DKK1: variants seen among roughly 807,000 people sequenced by gnomAD.
DKK1 encodes dickkopf Wnt signaling pathway inhibitor 1.
In DKK1, 18 loss-of-function variants were observed where a neutral mutation model predicts 26.0. The ratio of observed to expected loss-of-function variants is 0.69; its 90% CI spans 0.48 to 1.03. The LOEUF is 1.03. Among genes scored for constraint, DKK1 ranks in the 50% least tolerant of loss-of-function variants. The pLI, the probability that DKK1 is intolerant of heterozygous loss-of-function variation, is 0.00. For missense variants in DKK1, 335 were observed against 348.5 expected (o/e 0.96, Z 0.31); for synonymous variants, 130 against 132.6 (o/e 0.98, Z 0.13).
At position 52,317,598 on chromosome 10, in the gene DKK1, TGA is replaced by T. The variant is rs1056561064; in HGVS notation, c.*795_*796del. 6.6e-6 allele frequency: 1 copy of T among 152,198 alleles called. No homozygotes were observed. Among genetic ancestry groups the T allele is most frequent in the African/African-American group, 2.4e-5 (1 of 41,458 alleles). The allele number at this position is 152,198 out of a possible 1,614,324, so 9.4% of individuals were successfully genotyped here. ...ATAAACTCAAATGATCATGGCAGAA[TGA>T]GAGTGAATCTTACATTACTACTTTC... is the stretch of plus-strand genomic sequence containing the variant. On this transcript the variant is annotated 3_prime_UTR_variant, in exon 4 of 4. Coordinates refer to ENST00000373970, the MANE Select transcript of DKK1 (RefSeq NM_012242.4).
Position 52,314,725 on chromosome 10 carries a change from C to G in DKK1, c.243+48C>G. On this transcript the variant is annotated intron_variant, in intron 1 of 3. Coordinates refer to ENST00000373970, the MANE Select transcript of DKK1 (RefSeq NM_012242.4). The surrounding 1 kb of genome is among the most constrained non-coding windows in gnomAD (Gnocchi z 5.7). ...AGGATGCTCTGACCTTGAAAGGGTCCTATCTGGAGACGAGGGAGTAGAACG... is the reference window on the plus strand; with the variant it reads ...AGGATGCTCTGACCTTGAAAGGGTCGTATCTGGAGACGAGGGAGTAGAACG... The G allele has an allele frequency of 6.3e-7, 1 of 1,597,544 alleles. No homozygotes were observed. The highest frequency in any genetic ancestry group is 8.5e-7 in the Non-Finnish European group (1 of 1,170,756).
chr10:52,316,755 A>T lies in DKK1; in HGVS notation c.749A>T (p.Asp250Val). Residue 250 changes from aspartate to valine, a missense_variant, in exon 4 of 4, where the codon GAT (aspartate) becomes GTT (valine). Transcript: ENST00000373970. ...GGTCTGTCTTGCCGGATACAGAAAG[A>T]TCACCATCAAGCCAGTAATTCTTCT... ...GEGLSCRIQK[D>V]HHQASNSSRL... is the part of the protein sequence containing the mutation. 6.2e-7 allele frequency: 1 copy of T among 1,614,162 alleles called. No homozygotes were observed. Among genetic ancestry groups the T allele is most frequent in the Non-Finnish European group, 8.5e-7 (1 of 1,180,008 alleles).
In DKK1 at chr10:52,314,684, G is replaced by A. The variant is rs768998459; in HGVS notation, c.243+7G>A. On this transcript the variant is annotated splice_region_variant and intron_variant, in intron 1 of 3. Transcript: ENST00000373970. This position sits in a 1 kb window ranked among gnomAD's most constrained non-coding sequence, Gnocchi z 5.7. ...GACCATTGACAACTACCAGGTGAGA[G>A]GGGTCGGGCACTCAGAGGATGCTCT... The A allele has an allele frequency of 6.2e-7, 1 of 1,611,580 alleles. No homozygotes were observed. The highest frequency in any genetic ancestry group is 1.1e-5 in the South Asian group (1 of 90,962).
In DKK1 at chr10:52,314,907, C is replaced by T. The variant is rs757923992; in HGVS notation, c.244-16C>T. The T allele has an allele frequency of 6.7e-7, 1 of 1,494,684 alleles. No individual in the cohort carries two copies. The highest frequency in any genetic ancestry group is 1.3e-5 in the South Asian group (1 of 75,002). 92.6% of individuals were successfully genotyped at this position (1,494,684 alleles called of 1,614,324 possible). A position where few individuals can be genotyped will look rare whatever the true frequency, so the allele number is the denominator to read the frequency against. ...ACGTCTGGGTGCCTCACCCTCTCCCCGAACCCTTCCCACAGCCGTACCCGT... is the reference window on the plus strand; with the variant it reads ...ACGTCTGGGTGCCTCACCCTCTCCCTGAACCCTTCCCACAGCCGTACCCGT... On this transcript the variant is annotated splice_polypyrimidine_tract_variant and intron_variant, in intron 1 of 3. Transcript: ENST00000373970. This position sits in a 1 kb window ranked among gnomAD's most constrained non-coding sequence, Gnocchi z 5.7.
At position 52,314,592 on chromosome 10, in the gene DKK1, C is replaced by G. The variant is rs1842597465; in HGVS notation, c.158C>G (p.Ala53Gly). The change falls in exon 1 of 4, where the codon GCG (alanine) becomes GGG (glycine). Residue 53 changes from alanine to glycine, a missense_variant. Transcript: ENST00000373970. This position sits in a 1 kb window ranked among gnomAD's most constrained non-coding sequence, Gnocchi z 5.7. Reference sequence around the variant, plus strand: ...CTGCCCCCACCGCTGGGCGGCGCTGCGGGGCACCCAGGCTCTGCAGTCAGC... The same window carrying G: ...CTGCCCCCACCGCTGGGCGGCGCTGGGGGGCACCCAGGCTCTGCAGTCAGC... ...KNLPPPLGGA[A>G]GHPGSAVSAA... 1.2e-6 allele frequency: 2 copies of G among 1,613,348 alleles called. No individual in the cohort carries two copies. Among genetic ancestry groups the G allele is most frequent in the South Asian group, 2.2e-5 (2 of 91,062 alleles).
rs1330719165 is a variant in DKK1 at position 52,314,576 on chromosome 10, C to G, written c.142C>G (p.Pro48Ala). 6.2e-7 allele frequency: 1 copy of G among 1,613,502 alleles called. No individual in the cohort carries two copies. Among genetic ancestry groups the G allele is most frequent in the African/African-American group, 1.3e-5 (1 of 74,888 alleles). ...CAACGCTATCAAGAACCTGCCCCCA[C>G]CGCTGGGCGGCGCTGCGGGGCACCC... ...NSNAIKNLPP[P>A]LGGAAGHPGS... The change falls in exon 1 of 4, where the codon CCG becomes GCG. Residue 48 changes from proline to alanine, a missense_variant. Coordinates refer to ENST00000373970, the MANE Select transcript of DKK1 (RefSeq NM_012242.4). The surrounding 1 kb of genome is among the most constrained non-coding windows in gnomAD (Gnocchi z 5.7).
In DKK1 at chr10:52,314,890, G is replaced by T; in HGVS notation, c.244-33G>T. 6.8e-7 allele frequency: 1 copy of T among 1,471,456 alleles called. No homozygotes were observed. Among genetic ancestry groups the T allele is most frequent in the South Asian group, 1.4e-5 (1 of 71,512 alleles). The allele number at this position is 1,471,456 out of a possible 1,614,324, so 91.1% of individuals were successfully genotyped here. On this transcript the variant is annotated intron_variant, in intron 1 of 3. Transcript: ENST00000373970. This position sits in a 1 kb window ranked among gnomAD's most constrained non-coding sequence, Gnocchi z 5.7. ...AGAGGGCGGGTACCTGGACGTCTGG[G>T]TGCCTCACCCTCTCCCCGAACCCTT... is the stretch of plus-strand genomic sequence containing the variant.
rs1253403947 is a variant in DKK1 at position 52,316,809 on chromosome 10, C to T, written c.*2C>T. On this transcript the variant is annotated 3_prime_UTR_variant, in exon 4 of 4. Coordinates refer to ENST00000373970, the MANE Select transcript of DKK1 (RefSeq NM_012242.4). ...CTTCACACTTGTCAGAGACACTAAA[C>T]CAGCTATCCAAATGCAGTGAACTCC... is the stretch of plus-strand genomic sequence containing the variant. 2 of 1,613,652 alleles carry T rather than the reference C, an allele frequency of 1.2e-6. No homozygotes were observed. The highest frequency in any genetic ancestry group is 1.1e-5 in the South Asian group (1 of 91,020).
At position 52,314,858 on chromosome 10, in the gene DKK1, G is replaced by A. The variant is rs1589774474; in HGVS notation, c.244-65G>A. ...CAGATAAGGACTGTGATCAGCGCCC[G>A]GGTCCAAGAGGGCGGGTACCTGGAC... On this transcript the variant is annotated intron_variant, in intron 1 of 3. Coordinates refer to ENST00000373970, the MANE Select transcript of DKK1 (RefSeq NM_012242.4). This position sits in a 1 kb window ranked among gnomAD's most constrained non-coding sequence, Gnocchi z 5.7. 2 of 1,458,482 alleles carry A rather than the reference G, an allele frequency of 1.4e-6. No individual in the cohort carries two copies. The highest frequency in any genetic ancestry group is 1.8e-6 in the Non-Finnish European group (2 of 1,100,790). 90.3% of individuals were successfully genotyped at this position (1,458,482 alleles called of 1,614,324 possible). A position where few individuals can be genotyped will look rare whatever the true frequency, so the allele number is the denominator to read the frequency against.
chr10:52,314,384 GCAAAGTGACGGTCATTTT>G lies in DKK1; in HGVS notation c.-49_-32del. On this transcript the variant is annotated 5_prime_UTR_variant, in exon 1 of 4. Coordinates refer to ENST00000373970, the MANE Select transcript of DKK1 (RefSeq NM_012242.4). The surrounding 1 kb of genome is among the most constrained non-coding windows in gnomAD (Gnocchi z 5.7). ...CACGGTTTCGTGGGGACCCAGGCTTGCAAAGTGACGGTCATTTTCTCTTTCTTTCTCCCTCTTGAGTCC... is the reference window on the plus strand; with the variant it reads ...CACGGTTTCGTGGGGACCCAGGCTTGCTCTTTCTTTCTCCCTCTTGAGTCC... 6.2e-7 allele frequency: 1 copy of G among 1,605,854 alleles called. No homozygotes were observed. The highest frequency in any genetic ancestry group is 1.1e-5 in the South Asian group (1 of 90,378).
Position 52,314,950 on chromosome 10 carries a change from T to C in DKK1, c.271T>C (p.Cys91Arg). The C allele has an allele frequency of 6.4e-7, 1 of 1,570,720 alleles. No individual in the cohort carries two copies. The highest frequency in any genetic ancestry group is 8.7e-7 in the Non-Finnish European group (1 of 1,151,996). Residue 91 changes from cysteine to arginine, a missense_variant, in exon 2 of 4, where the codon TGC (cysteine) becomes CGC (arginine). Cys to Arg is a radical substitution (Grantham distance 180). Coordinates refer to ENST00000373970, the MANE Select transcript of DKK1 (RefSeq NM_012242.4). This position sits in a 1 kb window ranked among gnomAD's most constrained non-coding sequence, Gnocchi z 5.7. Reference sequence around the variant, plus strand: ...GTACCCGTGCGCAGAGGACGAGGAGTGCGGCACTGATGAGTACTGCGCTAG... The same window carrying C: ...GTACCCGTGCGCAGAGGACGAGGAGCGCGGCACTGATGAGTACTGCGCTAG... ...QPYPCAEDEE[C>R]GTDEYCASPT...
intron 2 of DKK1, chr10:52,315,341 A>C: frequency 5.5e-6 from 2 of 365,956 alleles, no homozygotes; most frequent in Non-Finnish European, 9.7e-6. Flanking sequence ...CAATGATTCA[A>C]TACAACGGTT....
At chr10:52,315,331 C>A (rs780664825) in intron 2 of DKK1, 1 of 380,406 alleles carries the variant, frequency 2.6e-6, no homozygotes, top group Non-Finnish European at 4.6e-6. Flanking sequence ...CCGTGTCCCT[C>A]AATGATTCAA....
rs1842593639 is a variant in DKK1 at position 52,314,339 on chromosome 10, T to C, written c.-96T>C. 1.9e-6 allele frequency: 3 copies of C among 1,558,668 alleles called. No homozygotes were observed. In the African/African-American group the frequency reaches 4.1e-5, roughly 21 times the overall value. On this transcript the variant is annotated 5_prime_UTR_variant, in exon 1 of 4. Coordinates refer to ENST00000373970, the MANE Select transcript of DKK1 (RefSeq NM_012242.4). This position sits in a 1 kb window ranked among gnomAD's most constrained non-coding sequence, Gnocchi z 5.7. ...GGGACCGCAGGGGGCTCCCGGACCCTGACTCTGCAGCCGAACCGGCACGGT... is the reference window on the plus strand; with the variant it reads ...GGGACCGCAGGGGGCTCCCGGACCCCGACTCTGCAGCCGAACCGGCACGGT...
chr10:52,316,874 C>T lies in DKK1; in HGVS notation c.*67C>T, dbSNP rs1450612499. The T allele has an allele frequency of 7.8e-6, 12 of 1,536,988 alleles. No homozygotes were observed. The East Asian group carries it at 2.5e-4, about 32-fold the overall frequency. ...TGCTATGAAAACCTTTTATGACCTT[C>T]ATCAACTCAATCCTAAGGATATACA... On this transcript the variant is annotated 3_prime_UTR_variant, in exon 4 of 4. Transcript: ENST00000373970.
At chr10:52,316,254 A>T in intron 2 of DKK1, 41 bp from the exon 3 acceptor site, 1 of 1,609,706 alleles carries the variant, frequency 6.2e-7, no homozygotes, top group Non-Finnish European at 8.5e-7. Flanking sequence ...GCAGTAATGC[A>T]TTACAACCCT....
At position 52,314,624 on chromosome 10, in the gene DKK1, C is replaced by G; in HGVS notation, c.190C>G (p.Pro64Ala). 1.9e-6 allele frequency: 3 copies of G among 1,613,184 alleles called. No individual in the cohort carries two copies. The highest frequency in any genetic ancestry group is 2.5e-6 in the Non-Finnish European group (3 of 1,179,968). ...CCCAGGCTCTGCAGTCAGCGCCGCGCCGGGAATCCTGTACCCGGGCGGGAA... is the reference window on the plus strand; with the variant it reads ...CCCAGGCTCTGCAGTCAGCGCCGCGGCGGGAATCCTGTACCCGGGCGGGAA... ...GHPGSAVSAA[P>A]GILYPGGNKY... The change falls in exon 1 of 4, where the codon CCG (proline) becomes GCG (alanine). Residue 64 changes from proline (P) to alanine (A), a missense_variant. Transcript: ENST00000373970. The surrounding 1 kb of genome is among the most constrained non-coding windows in gnomAD (Gnocchi z 5.7).
chr10:52,315,990 C>A (rs1452369562), intron 2 of DKK1, among the ~76,000 whole-genome samples: 1 of 152,164 alleles, frequency 6.6e-6, no homozygotes, highest in Non-Finnish European at 1.5e-5. Flanking sequence ...TTTCTTACCC[C>A]AAAGGTAATA....
At chr10:52,315,681 C>T (rs996967491) in intron 2 of DKK1, among the ~76,000 whole-genome samples, 1 of 152,128 alleles carries the variant, frequency 6.6e-6, no homozygotes, top group East Asian at 1.9e-4. Context: ...AAGTACTCCT[C>T]CCCCCAACCA....
Sources: allele counts gnomAD v4.1 joint callset (sites outside exome capture counted in the v4.1 genomes callset), GRCh38; gene constraint gnomAD v4.1.1; non-coding constraint Gnocchi (gnomAD v3.1); transcripts MANE v1.5; gene names NCBI Gene and HGNC (gene_info 2026-07-23, HGNC 2026-07-21).